NCAPD2: variants seen among roughly 807,000 people sequenced by gnomAD.
NCAPD2 encodes non-SMC condensin I complex subunit D2.
Under a neutral mutation model 164.5 loss-of-function variants are expected in NCAPD2, and 100 were observed. The observed-to-expected ratio is 0.61, with a 90% CI of 0.52 to 0.72. NCAPD2 has a LOEUF of 0.72. NCAPD2 is among the 30% of genes least tolerant of loss of function. NCAPD2 has a pLI of 0.00. For synonymous variants in NCAPD2, 585 were observed against 642.6 expected (o/e 0.91, Z 1.36); for missense variants, 1,560 against 1,749.2 (o/e 0.89, Z 1.93).
chr12:6,517,743 C>A (rs780819141), intron 12 of NCAPD2, 36 bp from the exon 13 acceptor site: 1 of 1,613,926 alleles, frequency 6.2e-7, no homozygotes, highest in African/African-American at 1.3e-5. Flanking sequence ...CAGTCAGAAA[C>A]TCTAGTGAAA....
intron 2 of NCAPD2, among the ~76,000 whole-genome samples, chr12:6,505,145 A>G (rs1946087382): frequency 1.3e-5 from 2 of 152,204 alleles, no homozygotes; most frequent in South Asian, 4.2e-4. Context: ...GACTCACTGG[A>G]ACCTCCGCCT....
chr12:6,518,384 A>G (rs1245218772), intron 13 of NCAPD2, among the ~76,000 whole-genome samples: 1 of 151,998 alleles, frequency 6.6e-6, no homozygotes, highest in Non-Finnish European at 1.5e-5. Context: ...AATATCAAAC[A>G]TGCTTAATAC....
intron 6 of NCAPD2, 82 bp downstream of exon 6, chr12:6,511,334 G>GTTTTTTTTTTTTTTT: frequency 8.8e-7 from 1 of 1,141,254 alleles, no homozygotes; most frequent in Non-Finnish European, 1.2e-6. Context: ...TTTTGGTTTT[G>GTTTTTTTTTTTTTTT]TTTTTTTTTT....
At position 6,528,723 on chromosome 12, in the gene NCAPD2, T is replaced by C. The variant is rs1946341480; in HGVS notation, c.3344T>C (p.Val1115Ala). 1.9e-6 allele frequency: 3 copies of C among 1,613,814 alleles called. No individual in the cohort carries two copies. The highest frequency in any genetic ancestry group is 2.2e-5 in the South Asian group (2 of 91,064). The stretch of plus-strand genomic sequence containing the variant: ...CAAGTGCGGAAAACAGCGGGGCTGG[T>C]GATGACCCACCTGATCCTCAAGGAC... ...AQQVRKTAGL[V>A]MTHLILKDMV... Residue 1115 changes from valine (V) to alanine (A), a missense_variant, in exon 26 of 32, where the codon GTG becomes GCG. Physicochemically the swap from Val to Ala is moderately conservative, Grantham distance 64 (BLOSUM62 0). Transcript: ENST00000315579. This position sits in a 1 kb window ranked among gnomAD's most constrained non-coding sequence, Gnocchi z 5.1.
intron 2 of NCAPD2, among the ~76,000 whole-genome samples, chr12:6,503,872 G>A (rs1565539389): frequency 6.6e-6 from 1 of 151,368 alleles, no homozygotes; most frequent in Admixed American, 6.6e-5. Context: ...CCAGCTACTC[G>A]GGAGGCTGAG....
chr12:6,529,806 T>A lies in NCAPD2; in HGVS notation c.3685T>A (p.Cys1229Ser). 2 of 1,614,090 alleles carry A rather than the reference T, an allele frequency of 1.2e-6. No homozygotes were observed. ...GCGGCAGCAGCGAGACCTGGCCTAC[T>A]GTGTGTCACAGCTGCCCCTCACAGA... ...TERQQRDLAYCVSQLPLTERG... is the reference protein window; with the variant it reads ...TERQQRDLAYSVSQLPLTERG... Residue 1229 changes from cysteine (C) to serine (S), a missense_variant, in exon 29 of 32, where the codon TGT becomes AGT. Cys to Ser is a moderately radical substitution (Grantham distance 112). Coordinates refer to ENST00000315579, the MANE Select transcript of NCAPD2 (RefSeq NM_014865.4).
At position 6,513,715 on chromosome 12, in the gene NCAPD2, C is replaced by CTTTTTTT. The variant is rs71067124; in HGVS notation, c.588-538_588-532dup. On this transcript the variant is annotated intron_variant, in intron 6 of 31. Transcript: ENST00000315579. Reference sequence around the variant, plus strand: ...AATGAGAAGTCATTGGTGACTTTGTCTTTTTTTTTTTTTTTTTTGTGATGG... The same window carrying CTTTTTTT: ...AATGAGAAGTCATTGGTGACTTTGTCTTTTTTTTTTTTTTTTTTTTTTTTTGTGATGG... 1.1e-3 allele frequency among the ~76,000 whole-genome samples: 85 copies of CTTTTTTT among 74,860 alleles called. 19 individuals are homozygous for CTTTTTTT. Among genetic ancestry groups the CTTTTTTT allele is most frequent in the South Asian group, 2.1e-3 (5 of 2,406 alleles). The allele number at this position is 74,860 out of a possible 152,430, so 49.1% of individuals were successfully genotyped here.
intron 16 of NCAPD2, 25 bp downstream of exon 16, chr12:6,523,027 C>G: frequency 6.2e-7 from 1 of 1,611,968 alleles, no homozygotes; most frequent in Admixed American, 1.7e-5. Flanking sequence ...TTTGCCTTTG[C>G]TGACTTTTCC....
chr12:6,494,401 C>A (rs1171256916), intron 1 of NCAPD2, among the ~76,000 whole-genome samples: 1 of 147,904 alleles, frequency 6.8e-6, no homozygotes, highest in East Asian at 1.9e-4. Context: ...AATCGCTTAA[C>A]TTTCTTACTT....
chr12:6,511,343 T>C, intron 6 of NCAPD2, 91 bp downstream of exon 6: 1 of 1,453,320 alleles, frequency 6.9e-7, no homozygotes, highest in Non-Finnish European at 9.3e-7. Flanking sequence ...TGTTTTTTTT[T>C]TGTGGGGGGA....
chr12:6,527,104 C>T (rs1946324796), intron 22 of NCAPD2, 41 bp downstream of exon 22: 4 of 1,567,598 alleles, frequency 2.6e-6, no homozygotes, highest in Non-Finnish European at 2.6e-6. Flanking sequence ...TTATTTCATA[C>T]CTCAGCTCAG....
In NCAPD2 at chr12:6,508,043, T is replaced by G. The variant is rs143038896; in HGVS notation, c.128-1674T>G. 1.5e-3 allele frequency among the ~76,000 whole-genome samples: 225 copies of G among 151,752 alleles called. 6 individuals carry two copies. In the East Asian group the frequency reaches 0.041, roughly 27 times the overall value. The stretch of plus-strand genomic sequence containing the variant: ...ACAAAAAATTAACAGAAAAAAAAAT[T>G]AGCTGGGCCGGGCGCAGTGGCTCAC... On this transcript the variant is annotated intron_variant, in intron 2 of 31. Transcript: ENST00000315579.
intron 16 of NCAPD2, 98 bp downstream of exon 16, chr12:6,523,100 A>C: frequency 2.0e-6 from 3 of 1,508,238 alleles, no homozygotes; most frequent in Non-Finnish European, 2.7e-6. Flanking sequence ...TCTCCAGGGG[A>C]GTTCCAGATC....
chr12:6,507,895 T>G (rs1326228961), intron 2 of NCAPD2, among the ~76,000 whole-genome samples: 1 of 151,824 alleles, frequency 6.6e-6, no homozygotes, highest in Non-Finnish European at 1.5e-5. Context: ...AATTAAAGAA[T>G]AGAGGATTGA....
intron 2 of NCAPD2, among the ~76,000 whole-genome samples, chr12:6,500,796 A>G (rs1206629517): frequency 1.3e-5 from 2 of 152,174 alleles, no homozygotes; most frequent in Admixed American, 1.3e-4. Context: ...TGAGCATGGG[A>G]GTGACATGGT....
At chr12:6,523,149 C>T (rs1253509322) in intron 16 of NCAPD2, 113 bp from the exon 17 acceptor site, 9 of 1,444,290 alleles carry the variant, frequency 6.2e-6, no homozygotes, top group Admixed American at 1.8e-5. Flanking sequence ...GGGTGGGGCT[C>T]GGTTTCCAGG....
chr12:6,504,216 T>TATATATATACACAC (rs1406807438), intron 2 of NCAPD2, among the ~76,000 whole-genome samples: 1 of 23,224 alleles, frequency 4.3e-5, no homozygotes, highest in Non-Finnish European at 7.8e-5. Flanking sequence ...TATATATATA[T>TATATATATACACAC]AGATATAGAT....
chr12:6,510,855 T>C (rs755611281), intron 5 of NCAPD2, 45 bp downstream of exon 5: 1 of 1,578,000 alleles, frequency 6.3e-7, no homozygotes, highest in East Asian at 2.2e-5. Context: ...TCTGGGGAGA[T>C]AGGGGAATAG....
In NCAPD2 at chr12:6,526,318, G is replaced by A. The variant is rs778834087; in HGVS notation, c.2513G>A (p.Arg838Gln). The change falls in exon 20 of 32, where the codon CGG (arginine) becomes CAG (glutamine). Residue 838 changes from arginine (R) to glutamine (Q), a missense_variant. Arg to Gln is a conservative substitution (Grantham distance 43). Coordinates refer to ENST00000315579, the MANE Select transcript of NCAPD2 (RefSeq NM_014865.4). ...PSLGKRHPPF[R>Q]LPQEHRLFER... Reference sequence around the variant, plus strand: ...CTGGGCAAACGTCACCCCCCCTTCCGGCTGCCTCAGGAACACAGGTTGTTT... The same window carrying A: ...CTGGGCAAACGTCACCCCCCCTTCCAGCTGCCTCAGGAACACAGGTTGTTT... The A allele has an allele frequency of 1.2e-5, 20 of 1,614,000 alleles. No individual in the cohort carries two copies. Among genetic ancestry groups the A allele is most frequent in the Non-Finnish European group, 1.6e-5 (19 of 1,180,036 alleles).
Sources: allele counts gnomAD v4.1 joint callset (sites outside exome capture counted in the v4.1 genomes callset), GRCh38; gene constraint gnomAD v4.1.1; non-coding constraint Gnocchi (gnomAD v3.1); transcripts MANE v1.5; gene names NCBI Gene and HGNC (gene_info 2026-07-23, HGNC 2026-07-21).